The following AKR1E2 variants were observed in gnomAD, a reference collection of about 807,000 sequenced individuals.
The protein encoded by AKR1E2 is 1,5-anhydro-D-fructose reductase.
A neutral mutation model predicts 41.9 loss-of-function variants in AKR1E2; 43 were observed. The observed-to-expected ratio is 1.03, with a 90% confidence interval of 0.80 to 1.32. The LOEUF (loss-of-function observed/expected upper bound fraction) is 1.32, where lower values mean the gene tolerates loss of function less well. AKR1E2 is among the 40% of genes most tolerant of loss of function. AKR1E2 has a pLI of 0.00. For missense variants in AKR1E2, 423 were observed against 396.5 expected (o/e 1.07, Z -0.57); for synonymous variants, 121 against 138.9 (o/e 0.87, Z 0.91).
intron 1 of AKR1E2, among the ~76,000 whole-genome samples, chr10:4,828,487 T>G (rs1274299462): frequency 6.6e-6 from 1 of 152,222 alleles, no homozygotes; most frequent in East Asian, 1.9e-4. Context: ...AGATTTACAG[T>G]GTACAATTTG....
intron 6 of AKR1E2, among the ~76,000 whole-genome samples, chr10:4,841,393 G>A (rs1387882061): frequency 5.9e-5 from 9 of 152,176 alleles, no homozygotes; most frequent in Non-Finnish European, 1.2e-4. Context: ...TTTTCTGAAA[G>A]TATCATCATC....
chr10:4,826,274 G>A lies in AKR1E2; in HGVS notation c.-51G>A. The A allele has an allele frequency of 1.6e-6, 2 of 1,224,682 alleles. No homozygotes were observed. The highest frequency in any genetic ancestry group is 1.6e-5 in the African/African-American group (1 of 64,294). 75.9% of individuals were successfully genotyped at this position (1,224,682 alleles called of 1,614,324 possible). A position where few individuals can be genotyped will look rare whatever the true frequency, so the allele number is the denominator to read the frequency against. On this transcript the variant is annotated 5_prime_UTR_variant, in exon 1 of 10. Transcript: ENST00000298375. ...CGCCGCAGTAGCTCGCGCGGTGCCT[G>A]TCGGTAGTCGCGTGCGGGGCGGCGG...
At chr10:4,835,868 A>G (rs933834088) in intron 4 of AKR1E2, 59 bp downstream of exon 4, 3 of 1,599,760 alleles carry the variant, frequency 1.9e-6, no homozygotes, top group Non-Finnish European at 2.6e-6. Flanking sequence ...CCCAGGATGC[A>G]GTGAGCCCTG....
At chr10:4,865,992 T>A in the AKR1E2 span, among the ~76,000 whole-genome samples, 1 of 152,190 alleles carries the variant, frequency 6.6e-6, no homozygotes. Context: ...TCTCCTTCTC[T>A]CTCAAACTTA....
intron 2 of AKR1E2, among the ~76,000 whole-genome samples, chr10:4,831,220 C>T (rs1832944923): frequency 6.6e-6 from 1 of 152,194 alleles, no homozygotes; most frequent in South Asian, 2.1e-4. Context: ...TTCTACCCCA[C>T]ATCTGTTGAA....
chr10:4,853,534 G>A, the AKR1E2 span, among the ~76,000 whole-genome samples: 1 of 152,052 alleles, frequency 6.6e-6, no homozygotes, highest in Non-Finnish European at 1.5e-5. Flanking sequence ...ACAGCCTCAG[G>A]AGATCCTGAG....
At chr10:4,852,220 G>C (rs1264280014), downstream of AKR1E2, among the ~76,000 whole-genome samples, 2 of 152,168 alleles carry the variant, frequency 1.3e-5, no homozygotes, top group Non-Finnish European at 2.9e-5. Flanking sequence ...TTCCAGCCCT[G>C]ATTTTAAACA....
chr10:4,833,514 C>T lies in AKR1E2; in HGVS notation c.324+48C>T, dbSNP rs376027613. 3 of 1,487,492 alleles carry T rather than the reference C, an allele frequency of 2.0e-6. No homozygotes were observed. The African/African-American group carries it at 4.1e-5, about 21-fold the overall frequency. 92.1% of individuals were successfully genotyped at this position (1,487,492 alleles called of 1,614,324 possible). ...TTCTGCAGTTTGCAGGACCTTCCTC[C>T]CCGTGCTCACACCCTGTCTTGCGGT... On this transcript the variant is annotated intron_variant, in intron 3 of 9. Coordinates refer to ENST00000298375, the MANE Select transcript of AKR1E2 (RefSeq NM_001040177.3).
At chr10:4,848,722 C>T (rs1017250542), downstream of AKR1E2, among the ~76,000 whole-genome samples, 3 of 152,098 alleles carry the variant, frequency 2.0e-5, no homozygotes, top group African/African-American at 4.8e-5. Flanking sequence ...GGGACAGTTC[C>T]CCTCCACATC....
At chr10:4,835,622 T>G (rs1588450612) in intron 3 of AKR1E2, 53 bp from the exon 4 acceptor site, 5 of 1,553,830 alleles carry the variant, frequency 3.2e-6, no homozygotes, top group Admixed American at 1.9e-5. Flanking sequence ...CACATGGTTT[T>G]TTTTGTTTTG....
At chr10:4,835,643 T>TTTTGC (rs2131524830) in intron 3 of AKR1E2, 32 bp from the exon 4 acceptor site, 3 of 1,606,126 alleles carry the variant, frequency 1.9e-6, no homozygotes, top group Non-Finnish European at 2.6e-6. Context: ...TTTTGTTTTG[T>TTTTGC]TTTCACACAT....
intron 3 of AKR1E2, 94 bp from the exon 4 acceptor site, chr10:4,835,581 C>T (rs1187364351): frequency 6.8e-7 from 1 of 1,463,246 alleles, no homozygotes; most frequent in Non-Finnish European, 9.1e-7. Flanking sequence ...TGCTTAGTGA[C>T]AGGGCTGTGG....
downstream of AKR1E2, among the ~76,000 whole-genome samples, chr10:4,852,322 A>G (rs1364935534): frequency 1.3e-5 from 2 of 152,220 alleles, no homozygotes; most frequent in African/African-American, 2.4e-5. Flanking sequence ...GAAAATTCTC[A>G]AAGAGCTGAA....
At chr10:4,864,296 C>T in the AKR1E2 span, among the ~76,000 whole-genome samples, 2 of 152,142 alleles carry the variant, frequency 1.3e-5, no homozygotes, top group East Asian at 1.9e-4. Context: ...GGATGCAAGG[C>T]TGGTTCAACA....
Position 4,830,695 on chromosome 10 carries a change from C to T in AKR1E2, c.60C>T (p.Thr20=), listed in dbSNP as rs3750739. The T allele has an allele frequency of 3.3e-4, 531 of 1,613,918 alleles. 3 individuals are homozygous for T. Among genetic ancestry groups the T allele is most frequent in the Admixed American group, 1.2e-3 (71 of 60,010 alleles). Residue 20 remains threonine (T), a synonymous_variant, in exon 2 of 10, where the codon ACC becomes ACT. Coordinates refer to ENST00000298375, the MANE Select transcript of AKR1E2 (RefSeq NM_001040177.3). ...SSWKASPGKV[T]EAVKEAIDAG... Reference sequence around the variant, plus strand: ...TGCAGGCTTCTCCAGGGAAAGTGACCGAGGCAGTGAAAGAGGCCATTGACG... The same window carrying T: ...TGCAGGCTTCTCCAGGGAAAGTGACTGAGGCAGTGAAAGAGGCCATTGACG...
At chr10:4,859,298 C>T in the AKR1E2 span, among the ~76,000 whole-genome samples, 1 of 152,128 alleles carries the variant, frequency 6.6e-6, no homozygotes, top group East Asian at 1.9e-4. Flanking sequence ...TGAAACACAA[C>T]AAATATCAGG....
At chr10:4,858,577 T>C in the AKR1E2 span, among the ~76,000 whole-genome samples, 3 of 151,934 alleles carry the variant, frequency 2.0e-5, no homozygotes, top group Non-Finnish European at 4.4e-5. Context: ...CAGGCCAGGG[T>C]GGTGGAGACA....
upstream of AKR1E2, chr10:4,825,046 C>T (rs1832371332): frequency 4.4e-6 from 2 of 455,224 alleles, no homozygotes; most frequent in East Asian, 7.0e-5. Context: ...CAGGTGAGTG[C>T]TCCAGGCACA....
At chr10:4,830,060 C>T (rs536062203) in intron 1 of AKR1E2, among the ~76,000 whole-genome samples, 1 of 152,288 alleles carries the variant, frequency 6.6e-6, no homozygotes, top group South Asian at 2.1e-4. Flanking sequence ...TACCGTGAAG[C>T]TCCAGTGAGA....
Sources: allele counts gnomAD v4.1 joint callset (sites outside exome capture counted in the v4.1 genomes callset), GRCh38; gene constraint gnomAD v4.1.1; transcripts MANE v1.5; gene names NCBI Gene and HGNC (gene_info 2026-07-23, HGNC 2026-07-21).